DTNA: variants seen among roughly 807,000 people sequenced by gnomAD.
The protein encoded by DTNA is dystrophin-related protein 3.
In DTNA, 43 loss-of-function variants were observed where a neutral mutation model predicts 100.7. The observed-to-expected ratio is 0.43, with a 90% CI of 0.33 to 0.55. The LOEUF (loss-of-function observed/expected upper bound fraction) is 0.55, where lower values mean the gene tolerates loss of function less well. Ranked by LOEUF, DTNA falls within the 20% of genes least tolerant of loss-of-function variation. DTNA has a pLI of 0.04. For missense variants in DTNA, 798 were observed against 953.9 expected (o/e 0.84, Z 2.15); for synonymous variants, 349 against 347.9 (o/e 1.00, Z -0.04).
chr18:34,575,754 G>A (rs1221596445), intron 1 of DTNA, among the ~76,000 whole-genome samples: 2 of 151,728 alleles, frequency 1.3e-5, no homozygotes, highest in Non-Finnish European at 2.9e-5. Context: ...TCAAATGACT[G>A]TATTATAGCC....
rs150147476 is a variant in DTNA at position 34,806,227 on chromosome 18, A to G, written c.371A>G (p.His124Arg). The change falls in exon 5 of 23, where the codon CAT becomes CGT. Residue 124 changes from histidine to arginine, a missense_variant. His to Arg is a conservative substitution (Grantham distance 29). This residue lies in a region of DTNA where 197 missense variants were observed against 215.4 expected (regional missense o/e 0.91). Transcript: ENST00000444659. ...CTATTACCATTAAACAGGGAAGGCCATGGTAAAATTTCAGTATTTGCTGTC... is the reference window on the plus strand; with the variant it reads ...CTATTACCATTAAACAGGGAAGGCCGTGGTAAAATTTCAGTATTTGCTGTC... ...FLLAAFDPEG[H>R]GKISVFAVKM... 242 of 1,613,734 alleles carry G rather than the reference A, an allele frequency of 1.5e-4. No homozygotes were observed. Among genetic ancestry groups the G allele is most frequent in the Non-Finnish European group, 2.0e-4 (234 of 1,179,872 alleles).
chr18:34,696,000 ATAGT>A (rs945553110), intron 1 of DTNA, among the ~76,000 whole-genome samples: 2 of 152,158 alleles, frequency 1.3e-5, no homozygotes, highest in Non-Finnish European at 2.9e-5. Context: ...AAAGAGAAAA[ATAGT>A]TAGAATAAGC....
rs114418546 is a variant in DTNA, at chr18:34,510,574, G to A, written c.-2+17060G>A. 3.0e-3 allele frequency among the ~76,000 whole-genome samples: 443 copies of A among 149,920 alleles called. 3 individuals are homozygous for A. Among genetic ancestry groups the A allele is most frequent in the African/African-American group, 0.01 (426 of 40,700 alleles). On this transcript the variant is annotated intron_variant, in intron 1 of 19. Coordinates refer to the DTNA transcript ENST00000283365. Reference sequence around the variant, plus strand: ...CTTCGGCATAGGTTATCCTTGCCACGCCTTTTATGAGCCCCTGTGGCTCAA... The same window carrying A: ...CTTCGGCATAGGTTATCCTTGCCACACCTTTTATGAGCCCCTGTGGCTCAA...
intron 1 of DTNA, among the ~76,000 whole-genome samples, chr18:34,667,751 G>A (rs2076146342): frequency 6.6e-6 from 1 of 152,190 alleles, no homozygotes; most frequent in African/African-American, 2.4e-5. Context: ...TGTTGAACCA[G>A]CCTTGCATCC....
chr18:34,648,328 T>C (rs1338373145), intron 1 of DTNA, among the ~76,000 whole-genome samples: 1 of 152,170 alleles, frequency 6.6e-6, no homozygotes, highest in Non-Finnish European at 1.5e-5. Flanking sequence ...TATATTTTCA[T>C]TTTAAAAGAT....
chr18:34,551,093 G>A (rs189015108), intron 1 of DTNA, among the ~76,000 whole-genome samples: 8 of 152,176 alleles, frequency 5.3e-5, no homozygotes, highest in Admixed American at 5.2e-4. Context: ...TACTATTTTT[G>A]TCATCACTAT....
chr18:34,792,096 T>G (rs905667308), intron 3 of DTNA, among the ~76,000 whole-genome samples: 1 of 149,198 alleles, frequency 6.7e-6, no homozygotes, highest in African/African-American at 2.4e-5. Context: ...ACCTGTTGTT[T>G]TTTTTTTTTT....
At chr18:34,685,493 T>G (rs2078758055) in intron 1 of DTNA, among the ~76,000 whole-genome samples, 1 of 152,204 alleles carries the variant, frequency 6.6e-6, no homozygotes, top group Non-Finnish European at 1.5e-5. Context: ...GTTCCATTGG[T>G]CTATATATCT....
At chr18:34,521,883 G>A (rs946718947) in intron 1 of DTNA, among the ~76,000 whole-genome samples, 2 of 152,214 alleles carry the variant, frequency 1.3e-5, no homozygotes, top group South Asian at 2.1e-4. Flanking sequence ...ATATTGGGCT[G>A]TTCATTGTCT....
intron 1 of DTNA, among the ~76,000 whole-genome samples, chr18:34,498,447 T>TAATAATAAC (rs1568539431): frequency 1.2e-5 from 1 of 80,998 alleles, no homozygotes; most frequent in Non-Finnish European, 2.5e-5. Context: ...AATAATATAA[T>TAATAATAAC]AATAATAATA....
chr18:34,766,668 GTAA>G (rs2093491912), intron 3 of DTNA, among the ~76,000 whole-genome samples: 1 of 152,000 alleles, frequency 6.6e-6, no homozygotes, highest in South Asian at 2.1e-4. Flanking sequence ...AACTTAAAGT[GTAA>G]TAATAATAAA....
chr18:34,761,566 G>A (rs928613869), intron 2 of DTNA, among the ~76,000 whole-genome samples: 5 of 152,124 alleles, frequency 3.3e-5, no homozygotes, highest in African/African-American at 1.2e-4. Flanking sequence ...TTTCAAAAAG[G>A]GCTAAAGAAA....
intron 5 of DTNA, among the ~76,000 whole-genome samples, chr18:34,807,845 C>CTT: frequency 9.0e-6 from 1 of 111,174 alleles, no homozygotes; most frequent in East Asian, 2.5e-4. Context: ...ACACCGAGGG[C>CTT]TTTTTTTTTT....
Position 34,521,774 on chromosome 18 carries a change from A to G in DTNA, c.-2+28260A>G, listed in dbSNP as rs114987530. Among the ~76,000 whole-genome samples the G allele has an allele frequency of 2.9e-3, 436 of 152,218 alleles. 2 individuals carry two copies. Among genetic ancestry groups the G allele is most frequent in the African/African-American group, 9.9e-3 (412 of 41,538 alleles). On this transcript the variant is annotated intron_variant, in intron 1 of 19. Coordinates refer to the DTNA transcript ENST00000283365. ...ACATATCCTCAGTGACGACTTCTCT[A>G]CCATTCTGCCTAGTAGAGCACCCTG...
rs551788826 is a variant in DTNA, at chr18:34,891,564, G to T, written c.*3830G>T. On this transcript the variant is annotated 3_prime_UTR_variant, in exon 23 of 23. Transcript: ENST00000444659. Reference sequence around the variant, plus strand: ...AATAGCTCACCTTCTCTTGCCTTGGGGGATGCATGGTTTTTACCATTCTAC... The same window carrying T: ...AATAGCTCACCTTCTCTTGCCTTGGTGGATGCATGGTTTTTACCATTCTAC... 6.6e-6 allele frequency: 1 copy of T among 151,964 alleles called. No homozygotes were observed. The highest frequency in any genetic ancestry group is 2.4e-5 in the African/African-American group (1 of 41,346). 9.4% of individuals were successfully genotyped at this position (151,964 alleles called of 1,614,324 possible).
intron 1 of DTNA, among the ~76,000 whole-genome samples, chr18:34,519,675 G>A (rs1249962183): frequency 6.6e-6 from 1 of 152,070 alleles, no homozygotes; most frequent in Non-Finnish European, 1.5e-5. Flanking sequence ...TAAAGGAAGG[G>A]AACTCTTTTT....
intron 1 of DTNA, among the ~76,000 whole-genome samples, chr18:34,725,789 A>T (rs1021212455): frequency 1.3e-5 from 2 of 152,194 alleles, no homozygotes; most frequent in Non-Finnish European, 1.5e-5. Flanking sequence ...CTATAAAGAC[A>T]CATGCACACG....
chr18:34,748,596 G>T (rs1160704899), intron 1 of DTNA, among the ~76,000 whole-genome samples: 1 of 152,062 alleles, frequency 6.6e-6, no homozygotes, highest in Non-Finnish European at 1.5e-5. Flanking sequence ...TGTATGCTTT[G>T]TTGAAGATCA....
At chr18:34,695,215 C>A (rs946692069) in intron 1 of DTNA, among the ~76,000 whole-genome samples, 1 of 152,188 alleles carries the variant, frequency 6.6e-6, no homozygotes. Context: ...ATTCTTCCAT[C>A]TGATAATTAC....
Sources: allele counts gnomAD v4.1 joint callset (sites outside exome capture counted in the v4.1 genomes callset), GRCh38; gene constraint gnomAD v4.1.1; regional missense constraint gnomAD v4.1.1; transcripts MANE v1.5; gene names NCBI Gene and HGNC (gene_info 2026-07-23, HGNC 2026-07-21).